The following VCP variants were observed in gnomAD, a reference collection of about 807,000 sequenced individuals.
VCP encodes transitional endoplasmic reticulum ATPase.
VCP carries 6 observed loss-of-function variants against 85.7 expected under a neutral mutation model. The ratio of observed to expected loss-of-function variants is 0.07; its 90% CI spans 0.04 to 0.14. The LOEUF (loss-of-function observed/expected upper bound fraction) is 0.14. VCP is among the 10% of genes least tolerant of loss of function. The probability of loss-of-function intolerance (pLI) is 1.00; values close to 1 mark genes in which losing one functional copy is unlikely to be tolerated. For missense variants in VCP, 353 were observed against 1,043.4 expected, an observed-to-expected ratio of 0.34 and a Z score of 9.12; for synonymous variants, 384 against 367.1, an observed-to-expected ratio of 1.05 and a Z score of -0.53.
chr9:35,072,484 C>A lies in VCP; in HGVS notation c.-131G>T. Reference sequence around the variant, plus strand: ...CGAGCAGCGGCGACAAACCCGCAAGCGGCTTCCCTCTCGCTTCCTCCCACC... The same window carrying A: ...CGAGCAGCGGCGACAAACCCGCAAGAGGCTTCCCTCTCGCTTCCTCCCACC... On this transcript the variant is annotated 5_prime_UTR_variant, in exon 1 of 17. Transcript: ENST00000358901. 3 of 1,200,536 alleles carry A rather than the reference C, an allele frequency of 2.5e-6. No individual in the cohort carries two copies. Among genetic ancestry groups the A allele is most frequent in the Non-Finnish European group, 3.3e-6 (3 of 921,392 alleles). The allele number at this position is 1,200,536 out of a possible 1,614,324, so 74.4% of individuals were successfully genotyped here. A position where few individuals can be genotyped will look rare whatever the true frequency, so the allele number is the denominator to read the frequency against.
chr9:35,068,004 C>T lies in VCP; in HGVS notation c.189G>A (p.Lys63=), dbSNP rs749471175. The T allele has an allele frequency of 1.4e-5, 22 of 1,614,140 alleles. No individual in the cohort carries two copies. Among genetic ancestry groups the T allele is most frequent in the South Asian group, 1.2e-4 (11 of 91,090 alleles). Residue 63 remains lysine, a synonymous_variant, in exon 3 of 17, where the codon AAG becomes AAA. Coordinates refer to ENST00000358901, the MANE Select transcript of VCP (RefSeq NM_007126.5). ...GGACGATGCAAACAGCTTCTCGTCTCTTCTTTCCTTTCAGCAACACTGTGT... is the reference window on the plus strand; with the variant it reads ...GGACGATGCAAACAGCTTCTCGTCTTTTCTTTCCTTTCAGCAACACTGTGT... ...RGDTVLLKGK[K]RREAVCIVLS... is the part of the protein sequence containing the mutation.
At chr9:35,064,941 C>T (rs1828798309) in intron 5 of VCP, among the ~76,000 whole-genome samples, 1 of 152,166 alleles carries the variant, frequency 6.6e-6, no homozygotes, top group Admixed American at 6.5e-5. Flanking sequence ...AATCTCAGCT[C>T]ACTGCAACCT....
chr9:35,065,479 A>G (rs1828810995), intron 4 of VCP, 98 bp from the exon 5 acceptor site: 2 of 1,529,666 alleles, frequency 1.3e-6, no homozygotes, highest in Admixed American at 1.8e-5. Context: ...AGCTCATTAG[A>G]TAGTGCCCTT....
chr9:35,070,260 T>A (rs2131043584), intron 1 of VCP, among the ~76,000 whole-genome samples: 1 of 152,280 alleles, frequency 6.6e-6, no homozygotes, highest in Middle Eastern at 3.4e-3. Context: ...CTTCCAATGC[T>A]TATCAACACA....
Position 35,056,082 on chromosome 9 carries a change from T to C in VCP, c.*1035A>G, listed in dbSNP as rs1356378483. On this transcript the variant is annotated 3_prime_UTR_variant, in exon 17 of 17. Coordinates refer to ENST00000358901, the MANE Select transcript of VCP (RefSeq NM_007126.5). ...ACTAAAATTTTATATTAACAAAAAG[T>C]TTTTTTTTTTTAATCAAAGTACATA... The C allele has an allele frequency of 7.2e-6, 1 of 138,794 alleles. No individual in the cohort carries two copies. Among genetic ancestry groups the C allele is most frequent in the Non-Finnish European group, 1.5e-5 (1 of 65,190 alleles). 8.6% of individuals were successfully genotyped at this position (138,794 alleles called of 1,614,324 possible). A position where few individuals can be genotyped will look rare whatever the true frequency, so the allele number is the denominator to read the frequency against.
In VCP at chr9:35,061,024, A is replaced by T; in HGVS notation, c.1350T>A (p.Asp450Glu). 6.2e-7 allele frequency: 1 copy of T among 1,614,136 alleles called. No homozygotes were observed. The highest frequency in any genetic ancestry group is 8.5e-7 in the Non-Finnish European group (1 of 1,180,034). ...EVMNSLAVTM[D>E]DFRWALSQSN... ...CGGGTGTGGTCCTTACCCGGAAGTC[A>T]TCCATAGTAACTGCTAGAGAGTTCA... Residue 450 changes from aspartate to glutamate, a missense_variant, in exon 11 of 17, where the codon GAT becomes GAA. Around this residue, in one of 8 missense-constraint regions of VCP, gnomAD observed 22 missense variants for 31.2 expected, o/e 0.70. Transcript: ENST00000358901.
At chr9:35,064,738 A>T (rs1371588195) in intron 5 of VCP, among the ~76,000 whole-genome samples, 3 of 152,228 alleles carry the variant, frequency 2.0e-5, no homozygotes, top group African/African-American at 7.2e-5. Flanking sequence ...TCAATCACTT[A>T]TATATTTTGG....
chr9:35,058,124 C>T (rs1168771251), intron 15 of VCP, among the ~76,000 whole-genome samples: 1 of 152,202 alleles, frequency 6.6e-6, no homozygotes, highest in Non-Finnish European at 1.5e-5. Context: ...ACTCTCTTCA[C>T]AGCCCAGCTC....
At position 35,065,203 on chromosome 9, in the gene VCP, C is replaced by T. The variant is rs539020455; in HGVS notation, c.576+48G>A. On this transcript the variant is annotated intron_variant, in intron 5 of 16. Transcript: ENST00000358901. The stretch of plus-strand genomic sequence containing the variant: ...TCCTGACAGTTACCACATGATGCCA[C>T]ACTGAGTAATCATAAAATCGGATAC... 2.0e-5 allele frequency: 32 copies of T among 1,613,320 alleles called. No homozygotes were observed. The South Asian group carries it at 2.4e-4, about 12-fold the overall frequency.
In VCP at chr9:35,061,007, G is replaced by A. The variant is rs753147242; in HGVS notation, c.1359+8C>T. The A allele has an allele frequency of 6.2e-6, 10 of 1,614,106 alleles. No homozygotes were observed. Among genetic ancestry groups the A allele is most frequent in the South Asian group, 3.3e-5 (3 of 91,084 alleles). ...TGTGTGTACCTGAGGCACGGGTGTG[G>A]TCCTTACCCGGAAGTCATCCATAGT... On this transcript the variant is annotated splice_region_variant and intron_variant, in intron 11 of 16. Transcript: ENST00000358901.
intron 10 of VCP, 45 bp downstream of exon 10, chr9:35,061,532 C>G (rs780980572): frequency 2.6e-5 from 41 of 1,554,388 alleles, no homozygotes; most frequent in Non-Finnish European, 3.6e-5. Flanking sequence ...CCAGCAACTG[C>G]CTAGAGACAC....
At chr9:35,065,198 TGC>T in intron 5 of VCP, 51 bp downstream of exon 5, 1 of 1,613,040 alleles carries the variant, frequency 6.2e-7, no homozygotes, top group Non-Finnish European at 8.5e-7. Context: ...TACCACATGA[TGC>T]CACACTGAGT....
intron 4 of VCP, 24 bp downstream of exon 4, chr9:35,066,651 C>G: frequency 6.2e-7 from 1 of 1,613,426 alleles, no homozygotes; most frequent in Non-Finnish European, 8.5e-7. Context: ...GTCAATAATC[C>G]TTAAGCTCAG....
chr9:35,068,493 A>T, intron 1 of VCP, 131 bp from the exon 2 acceptor site: 1 of 827,178 alleles, frequency 1.2e-6, no homozygotes, highest in South Asian at 1.3e-5. Flanking sequence ...GATGAAGGAA[A>T]GGCAGCCAAG....
At position 35,063,036 on chromosome 9, in the gene VCP, C is replaced by T; in HGVS notation, c.753G>A (p.Lys251=). The change falls in exon 7 of 17, where the codon AAG becomes AAA. Residue 251 remains lysine (K), a synonymous_variant. Coordinates refer to ENST00000358901, the MANE Select transcript of VCP (RefSeq NM_007126.5). ...TTGCTACAGCTCGAGCAATCAGGGTCTTTCCTGTTCCAGGAGGTCCGTAAA... is the reference window on the plus strand; with the variant it reads ...TTGCTACAGCTCGAGCAATCAGGGTTTTTCCTGTTCCAGGAGGTCCGTAAA... ...ILLYGPPGTG[K]TLIARAVANE... 1 of 1,614,064 alleles carries T rather than the reference C, an allele frequency of 6.2e-7. No individual in the cohort carries two copies. Among genetic ancestry groups the T allele is most frequent in the Non-Finnish European group, 8.5e-7 (1 of 1,180,008 alleles).
chr9:35,057,336 A>G (rs1191470569), intron 16 of VCP, 40 bp downstream of exon 16: 3 of 1,613,746 alleles, frequency 1.9e-6, no homozygotes, highest in African/African-American at 1.3e-5. Context: ...TAGGTCCCCA[A>G]AGTAACTTAA....
intron 7 of VCP, 143 bp from the exon 8 acceptor site, chr9:35,062,493 C>G: frequency 7.6e-7 from 1 of 1,323,140 alleles, no homozygotes; most frequent in Non-Finnish European, 1.1e-6. Context: ...ACATCCTCTA[C>G]CAGCCATTAT....
chr9:35,057,896 G>A (rs562369137), intron 15 of VCP: 7 of 355,390 alleles, frequency 2.0e-5, no homozygotes, highest in African/African-American at 1.5e-4. Context: ...TAGAAAGAGT[G>A]AATTTTATTG....
At chr9:35,057,614 T>TG in intron 15 of VCP, 84 bp from the exon 16 acceptor site, 2 of 1,568,252 alleles carry the variant, frequency 1.3e-6, no homozygotes, top group Non-Finnish European at 1.7e-6. Context: ...TGCAGTTTAT[T>TG]GGTCTCCTTG....
Sources: gnomAD v4.1 joint callset for allele counts (sites outside exome capture counted in the v4.1 genomes callset) on GRCh38, gnomAD v4.1.1 for gene constraint, gnomAD v4.1.1 regional missense constraint, MANE v1.5 for transcripts, NCBI Gene and HGNC (gene_info 2026-07-23, HGNC 2026-07-21) for gene names.